Variants in CACNA1G observed in about 807,000 individuals in gnomAD.
CACNA1G encodes the protein calcium voltage-gated channel subunit alpha1 G, also known as voltage-dependent T-type calcium channel subunit alpha-1G.
Under a neutral mutation model 219.4 loss-of-function variants are expected in CACNA1G, and 67 were observed. The observed-to-expected ratio is 0.31, with a 90% CI of 0.25 to 0.37. The LOEUF is 0.37. Among genes scored for constraint, CACNA1G ranks in the 10% least tolerant of loss-of-function variants. The pLI is 1.00. For synonymous variants in CACNA1G, 1,296 were observed against 1,345.3 expected (o/e 0.96, Z 0.80); for missense variants, 2,380 against 3,231.4 (o/e 0.74, Z 6.39).
In CACNA1G at chr17:50,599,740, G is replaced by T; in HGVS notation, c.3571G>T (p.Gly1191Trp). 6.2e-7 allele frequency: 1 copy of T among 1,613,680 alleles called. No individual in the cohort carries two copies. Among genetic ancestry groups the T allele is most frequent in the Non-Finnish European group, 8.5e-7 (1 of 1,179,842 alleles). ...GCTGCATCGCACTGCCAGTGGCCGA[G>T]GGTCTGCTTCTGAGCACCAGGACTG... ...PGLHRTASGR[G>W]SASEHQDCNG... The change falls in exon 17 of 38, where the codon GGG becomes TGG. Residue 1191 changes from glycine (G) to tryptophan (W), a missense_variant. Physicochemically the swap from Gly to Trp is radical, Grantham distance 184 (BLOSUM62 -2). This residue lies in a region of CACNA1G where 418 missense variants were observed against 434.3 expected (regional missense o/e 0.96). Transcript: ENST00000359106.
At chr17:50,611,393 C>T (rs1235688927) in intron 26 of CACNA1G, among the ~76,000 whole-genome samples, 1 of 152,026 alleles carries the variant, frequency 6.6e-6, no homozygotes, top group Non-Finnish European at 1.5e-5. Context: ...CAGATGCTGC[C>T]CTGGGGATGT....
Position 50,617,300 on chromosome 17 carries a change from G to C in CACNA1G, c.5022-138G>C. Reference sequence around the variant, plus strand: ...GGCTGTGTGGCCTTAGATAAGCCACGCCTCTTCTCTGTGGGATGGGAGGCT... The same window carrying C: ...GGCTGTGTGGCCTTAGATAAGCCACCCCTCTTCTCTGTGGGATGGGAGGCT... On this transcript the variant is annotated intron_variant, in intron 28 of 37. Transcript: ENST00000359106. The surrounding 1 kb of genome is among the most constrained non-coding windows in gnomAD (Gnocchi z 5.8). The C allele has an allele frequency of 2.2e-6, 2 of 926,292 alleles. No individual in the cohort carries two copies. 57.4% of individuals were successfully genotyped at this position (926,292 alleles called of 1,614,324 possible). A position where few individuals can be genotyped will look rare whatever the true frequency, so the allele number is the denominator to read the frequency against.
intron 9 of CACNA1G, among the ~76,000 whole-genome samples, chr17:50,580,573 G>C (rs1042740329): frequency 6.6e-6 from 1 of 152,174 alleles, no homozygotes; most frequent in Admixed American, 6.5e-5. Context: ...CAAGAAGGAC[G>C]CCCCTTTGGA....
At chr17:50,582,438 A>G (rs1267116140) in intron 9 of CACNA1G, among the ~76,000 whole-genome samples, 2 of 152,152 alleles carry the variant, frequency 1.3e-5, no homozygotes, top group African/African-American at 4.8e-5. Flanking sequence ...GGTTGAGAGG[A>G]GGCAGCAAGG....
At chr17:50,599,043 A>C (rs909912706) in intron 16 of CACNA1G, among the ~76,000 whole-genome samples, 2 of 152,116 alleles carry the variant, frequency 1.3e-5, no homozygotes, top group African/African-American at 4.8e-5. Context: ...TCTCCTTTTG[A>C]GGAATGTCTA....
Position 50,617,644 on chromosome 17 carries a change from T to TG in CACNA1G, c.5155+75dup. 5 of 1,566,780 alleles carry TG rather than the reference T, an allele frequency of 3.2e-6. No individual in the cohort carries two copies. Among genetic ancestry groups the TG allele is most frequent in the Non-Finnish European group, 4.3e-6 (5 of 1,151,236 alleles). ...GGAGAGAGAGCAAGGGTCGGCTTTG[T>TG]GGCTGGTCAAGGCCTGGGCGGCTGT... On this transcript the variant is annotated intron_variant, in intron 29 of 37. Coordinates refer to ENST00000359106, the MANE Select transcript of CACNA1G (RefSeq NM_018896.5). This position sits in a 1 kb window ranked among gnomAD's most constrained non-coding sequence, Gnocchi z 5.8.
chr17:50,562,247 A>G (rs914373133), intron 1 of CACNA1G: 1 of 152,868 alleles, frequency 6.5e-6, no homozygotes, highest in Non-Finnish European at 1.5e-5. Flanking sequence ...CTGATCCCCC[A>G]ACCTGGTCCT....
intron 35 of CACNA1G, among the ~76,000 whole-genome samples, chr17:50,622,166 T>TGCCCCCCCCCCCCCCCCCCCCCCCCCCC (rs2052290498): frequency 7.5e-6 from 1 of 132,920 alleles, no homozygotes; most frequent in African/African-American, 2.9e-5. Context: ...CTGTGCCTGT[T>TGCCCCCCCCCCCCCCCCCCCCCCCCCCC]CCCCTCCTCC....
At chr17:50,580,598 C>T (rs1446142245) in intron 9 of CACNA1G, among the ~76,000 whole-genome samples, 3 of 152,258 alleles carry the variant, frequency 2.0e-5, no homozygotes, top group African/African-American at 7.2e-5. Context: ...AGGCAGCAGC[C>T]GTCAGTCAGG....
At chr17:50,582,078 C>T (rs74322778) in intron 9 of CACNA1G, among the ~76,000 whole-genome samples, 3,474 of 152,344 alleles carry the variant, frequency 0.023, 50 homozygotes, top group Middle Eastern at 0.034. Context: ...AGCTCCAGCA[C>T]GCCACTGGGC....
intron 1 of CACNA1G, 55 bp from the exon 2 acceptor site, chr17:50,568,815 C>CG (rs1180014455): frequency 1.1e-5 from 16 of 1,422,046 alleles, no homozygotes; most frequent in East Asian, 2.3e-5. Flanking sequence ...AGGGCGGGGT[C>CG]GGGGGGCCGG....
rs1356536256 is a variant in CACNA1G, at chr17:50,607,545, T to C, written c.4513-282T>C. The C allele has an allele frequency of 5.4e-5, 23 of 426,380 alleles. No homozygotes were observed. The East Asian group carries it at 9.8e-4, about 18-fold the overall frequency. 26.4% of individuals were successfully genotyped at this position (426,380 alleles called of 1,614,324 possible). ...TTACACAGAAATTCAGATTTGTGTCTACTCAGGAAAAGTCTGAAGATCTGG... is the reference window on the plus strand; with the variant it reads ...TTACACAGAAATTCAGATTTGTGTCCACTCAGGAAAAGTCTGAAGATCTGG... On this transcript the variant is annotated intron_variant, in intron 24 of 37. Transcript: ENST00000359106.
chr17:50,614,984 C>A (rs1242161260), intron 26 of CACNA1G, among the ~76,000 whole-genome samples: 1 of 152,244 alleles, frequency 6.6e-6, no homozygotes, highest in Non-Finnish European at 1.5e-5. Flanking sequence ...TCCTCTGAGC[C>A]TGAGGAGACC....
At position 50,578,291 on chromosome 17, in the gene CACNA1G, G is replaced by T. The variant is rs2041157830; in HGVS notation, c.2028G>T (p.Gly676=). ...SCPYCARAGA[G]EVELADREMP... is the part of the protein sequence containing the mutation. The stretch of plus-strand genomic sequence containing the variant: ...CCTACTGTGCCCGGGCCGGGGCAGG[G>T]GAGGTGGAGCTCGCCGACCGTGAAA... Residue 676 remains glycine, a synonymous_variant, in exon 9 of 38, where the codon GGG becomes GGT. Coordinates refer to ENST00000359106, the MANE Select transcript of CACNA1G (RefSeq NM_018896.5). The surrounding 1 kb of genome is among the most constrained non-coding windows in gnomAD (Gnocchi z 4.5). The T allele has an allele frequency of 6.2e-7, 1 of 1,613,064 alleles. No homozygotes were observed.
At chr17:50,561,818 A>T in intron 1 of CACNA1G, 117 bp downstream of exon 1, 2 of 21,220 alleles carry the variant, frequency 9.4e-5, no homozygotes, top group Non-Finnish European at 1.3e-4. Context: ...CCCGGAGGGT[A>T]GGCGGATGGG....
chr17:50,615,538 G>T, intron 27 of CACNA1G, 26 bp downstream of exon 27: 1 of 1,606,840 alleles, frequency 6.2e-7, no homozygotes, highest in African/African-American at 1.3e-5. Flanking sequence ...CCAGCCATCT[G>T]GCCCCCCCAC....
At chr17:50,614,666 A>T (rs1336933313) in intron 26 of CACNA1G, among the ~76,000 whole-genome samples, 1 of 152,218 alleles carries the variant, frequency 6.6e-6, no homozygotes, top group African/African-American at 2.4e-5. Flanking sequence ...AACACCCAGG[A>T]GCAGGCTGGG....
intron 5 of CACNA1G, 58 bp from the exon 6 acceptor site, chr17:50,572,496 C>G (rs2039681839): frequency 1.4e-6 from 2 of 1,392,376 alleles, no homozygotes; most frequent in Non-Finnish European, 1.9e-6. Flanking sequence ...CTTCCTGGGC[C>G]CTCTCCCTGG....
In CACNA1G at chr17:50,621,597, CGTGT is replaced by C; in HGVS notation, c.5926-61_5926-58del. ...GGGACTGAGAGAGAGCGCGTGTGTG[CGTGT>C]GCACGCGCGTGTGCGCTGTCCTGGT... On this transcript the variant is annotated intron_variant, in intron 34 of 37. Coordinates refer to ENST00000359106, the MANE Select transcript of CACNA1G (RefSeq NM_018896.5). The surrounding 1 kb of genome is among the most constrained non-coding windows in gnomAD (Gnocchi z 4.6). 4 of 1,571,138 alleles carry C rather than the reference CGTGT, an allele frequency of 2.5e-6. No homozygotes were observed. The highest frequency in any genetic ancestry group is 3.5e-6 in the Non-Finnish European group (4 of 1,148,566).
Sources: gnomAD v4.1 joint callset for allele counts (sites outside exome capture counted in the v4.1 genomes callset) on GRCh38, gnomAD v4.1.1 for gene constraint, gnomAD v4.1.1 regional missense constraint, Gnocchi (gnomAD v3.1) non-coding constraint, MANE v1.5 for transcripts, NCBI Gene and HGNC (gene_info 2026-07-23, HGNC 2026-07-21) for gene names.